The following LITAF variants were observed in gnomAD, a reference collection of about 807,000 sequenced individuals.
The protein encoded by LITAF is lipopolysaccharide-induced tumor necrosis factor-alpha factor.
In LITAF, 9 loss-of-function variants were observed where a neutral mutation model predicts 14.5. The observed-to-expected ratio is 0.62, with a 90% CI of 0.37 to 1.08. The LOEUF (loss-of-function observed/expected upper bound fraction) is 1.08. Ranked by LOEUF, LITAF falls within the 50% of genes least tolerant of loss-of-function variation. The pLI is 0.01. For synonymous variants in LITAF, 98 were observed against 88.2 expected (o/e 1.11, Z -0.62); for missense variants, 206 against 213.4 (o/e 0.97, Z 0.22).
At chr16:11,589,721 C>T (rs202041935), upstream of LITAF, among the ~76,000 whole-genome samples, 17 of 148,708 alleles carry the variant, frequency 1.1e-4, no homozygotes, top group Admixed American at 8.9e-4. Context: ...TGAGCTCAGG[C>T]GATCCTCCCA....
rs186757566 is a variant in LITAF at position 11,583,730 on chromosome 16, A to C, written c.-6+3156T>G. Reference sequence around the variant, plus strand: ...TAAACTTACCTGAGGCACACTGTCAATTAAATCTAAGGCTCCATGAGCTAA... The same window carrying C: ...TAAACTTACCTGAGGCACACTGTCACTTAAATCTAAGGCTCCATGAGCTAA... On this transcript the variant is annotated intron_variant, in intron 1 of 3. Coordinates refer to ENST00000622633, the MANE Select transcript of LITAF (RefSeq NM_001136472.2). Among the ~76,000 whole-genome samples, 25 of 152,346 alleles carry C rather than the reference A, an allele frequency of 1.6e-4. 1 individual carries two copies. Among genetic ancestry groups the C allele is most frequent in the African/African-American group, 5.5e-4 (23 of 41,576 alleles).
At chr16:11,628,332 G>C (rs367991588) in intron 3 of LITAF, among the ~76,000 whole-genome samples, 2 of 152,106 alleles carry the variant, frequency 1.3e-5, no homozygotes, top group Non-Finnish European at 2.9e-5. Flanking sequence ...CCAGCTAAGA[G>C]TCCTGGGAAC....
At chr16:11,610,739 C>G (rs944503407) in intron 3 of LITAF, among the ~76,000 whole-genome samples, 7 of 152,152 alleles carry the variant, frequency 4.6e-5, no homozygotes, top group African/African-American at 1.7e-4. Context: ...GCAGGGGGCA[C>G]TCTTCTCAAG....
chr16:11,630,710 C>T (rs1003361980), intron 3 of LITAF, among the ~76,000 whole-genome samples: 1 of 151,814 alleles, frequency 6.6e-6, no homozygotes, highest in Admixed American at 6.6e-5. Context: ...TCCTAGATAG[C>T]TGGGACTACA....
At chr16:11,613,489 G>C (rs1414140796) in intron 3 of LITAF, among the ~76,000 whole-genome samples, 3 of 152,190 alleles carry the variant, frequency 2.0e-5, no homozygotes, top group Non-Finnish European at 4.4e-5. Context: ...CGCCTGTTTA[G>C]ACCTGCCCCA....
intron 1 of LITAF, among the ~76,000 whole-genome samples, chr16:11,557,327 G>T (rs749321941): frequency 4.0e-5 from 6 of 151,208 alleles, no homozygotes; most frequent in Admixed American, 3.9e-4. Flanking sequence ...GGGCCTTTGC[G>T]GGGGGCGGGT....
rs1249942263 is a variant in LITAF, at chr16:11,549,829, C to T, written c.378-84G>A. The T allele has an allele frequency of 9.2e-7, 1 of 1,081,412 alleles. No individual in the cohort carries two copies. The highest frequency in any genetic ancestry group is 2.6e-5 in the East Asian group (1 of 38,748). The allele number at this position is 1,081,412 out of a possible 1,614,324, so 67.0% of individuals were successfully genotyped here. On this transcript the variant is annotated intron_variant, in intron 3 of 3. Coordinates refer to ENST00000622633, the MANE Select transcript of LITAF (RefSeq NM_001136472.2). This position sits in a 1 kb window ranked among gnomAD's most constrained non-coding sequence, Gnocchi z 4.6. ...CTGCCAAAACCATGTTCATGTCCTT[C>T]TTTGTAAAAAGGGTCTTTGCCAGTA...
chr16:11,552,502 C>T (rs1410901006), intron 3 of LITAF, among the ~76,000 whole-genome samples: 2 of 152,102 alleles, frequency 1.3e-5, no homozygotes, highest in Non-Finnish European at 2.9e-5. Flanking sequence ...CCCTCGGGCT[C>T]GAGCAAAACA....
At chr16:11,612,240 G>A (rs564228410) in intron 3 of LITAF, among the ~76,000 whole-genome samples, 7 of 152,274 alleles carry the variant, frequency 4.6e-5, no homozygotes, top group East Asian at 3.9e-4. Context: ...GATCTAAAAC[G>A]GGGGTCTCTC....
At chr16:11,598,425 C>A (rs940818662) in exon 1 of LITAF, 1 of 152,102 alleles carries the variant, frequency 6.6e-6, no homozygotes, top group African/African-American at 2.4e-5. Context: ...GAAATTTGAA[C>A]CTCCATATCA....
At chr16:11,625,542 T>C (rs769686503) in intron 3 of LITAF, among the ~76,000 whole-genome samples, 3 of 152,040 alleles carry the variant, frequency 2.0e-5, no homozygotes, top group Non-Finnish European at 4.4e-5. Context: ...AGATTACAGG[T>C]GTGAGCCACT....
chr16:11,582,912 A>C lies in LITAF; in HGVS notation c.-6+3974T>G, dbSNP rs1207586189. Among the ~76,000 whole-genome samples the C allele has an allele frequency of 2.6e-5, 4 of 152,228 alleles. No homozygotes were observed. The East Asian group carries it at 7.7e-4, about 29-fold the overall frequency. The stretch of plus-strand genomic sequence containing the variant: ...TAAGGAGGGTCACCTGGCAGGTTTT[A>C]AGCTACAATAATTCTGCAATACGGT... On this transcript the variant is annotated intron_variant, in intron 1 of 3. Transcript: ENST00000622633.
At chr16:11,624,395 G>C (rs2065070923) in intron 3 of LITAF, among the ~76,000 whole-genome samples, 2 of 152,174 alleles carry the variant, frequency 1.3e-5, no homozygotes, top group Admixed American at 1.3e-4. Flanking sequence ...TACAGCAATA[G>C]AATTCATGAT....
chr16:11,581,465 G>A (rs2141830482), intron 1 of LITAF, among the ~76,000 whole-genome samples: 1 of 152,252 alleles, frequency 6.6e-6, no homozygotes, highest in Admixed American at 6.5e-5. Context: ...TGGGTAACAT[G>A]GCGAAACCCT....
In LITAF at chr16:11,584,801, G is replaced by A. The variant is rs539315635; in HGVS notation, c.-6+2085C>T. 9.2e-5 allele frequency among the ~76,000 whole-genome samples: 14 copies of A among 152,238 alleles called. No homozygotes were observed. The East Asian group carries it at 2.1e-3, about 23-fold the overall frequency. On this transcript the variant is annotated intron_variant, in intron 1 of 3. Coordinates refer to ENST00000622633, the MANE Select transcript of LITAF (RefSeq NM_001136472.2). ...AGCCATTCTTCTGCATCCTTTACAC[G>A]GCAAGGGTAGCGCTTTATTTCTCAA...
intron 1 of LITAF, among the ~76,000 whole-genome samples, chr16:11,570,456 A>G (rs923344211): frequency 2.6e-5 from 4 of 152,202 alleles, no homozygotes; most frequent in African/African-American, 9.6e-5. Context: ...CTTCACAGGT[A>G]GACATTCACT....
chr16:11,632,083 G>T lies in LITAF; in HGVS notation c.85+1450C>A, dbSNP rs967962520. Among the ~76,000 whole-genome samples, 1 of 151,080 alleles carries T rather than the reference G, an allele frequency of 6.6e-6. No individual in the cohort carries two copies. Among genetic ancestry groups the T allele is most frequent in the Non-Finnish European group, 1.5e-5 (1 of 67,720 alleles). On this transcript the variant is annotated intron_variant, in intron 3 of 3. Coordinates refer to the LITAF transcript ENST00000574848. This position sits in a 1 kb window ranked among gnomAD's most constrained non-coding sequence, Gnocchi z 4.8. ...GGGGTTTCACCGTGTTAACCAGGAT[G>T]GTCTTGATCTCCTGACCTCGTGATC... is the stretch of plus-strand genomic sequence containing the variant.
chr16:11,614,464 T>G (rs1469996215), intron 3 of LITAF, among the ~76,000 whole-genome samples: 1 of 151,860 alleles, frequency 6.6e-6, no homozygotes, highest in Non-Finnish European at 1.5e-5. Context: ...CAGGCCCGGC[T>G]AATTTTTGTA....
chr16:11,588,457 C>T (rs1032619880), upstream of LITAF, among the ~76,000 whole-genome samples: 4 of 148,656 alleles, frequency 2.7e-5, no homozygotes, highest in East Asian at 2.0e-4. Flanking sequence ...GAGCTATAAT[C>T]GAGCCACTGC....
Sources: allele counts gnomAD v4.1 joint callset (sites outside exome capture counted in the v4.1 genomes callset), GRCh38; gene constraint gnomAD v4.1.1; non-coding constraint Gnocchi (gnomAD v3.1); transcripts MANE v1.5; gene names NCBI Gene and HGNC (gene_info 2026-07-23, HGNC 2026-07-21).